Variants in FARP1 observed in about 807,000 individuals in gnomAD.
FARP1 encodes the protein FERM, ARH/RhoGEF and pleckstrin domain protein 1, also known as FERM, ARHGEF and pleckstrin domain-containing protein 1.
Under a neutral mutation model 128.8 loss-of-function variants are expected in FARP1, and 52 were observed. The ratio of observed to expected loss-of-function variants is 0.40; its 90% CI spans 0.32 to 0.51. The LOEUF (loss-of-function observed/expected upper bound fraction) is 0.51. FARP1 is among the 20% of genes least tolerant of loss of function. The probability of loss-of-function intolerance (pLI) is 0.45; values close to 1 mark genes in which losing one functional copy is unlikely to be tolerated. For missense variants in FARP1, 1,333 were observed against 1,367.9 expected (o/e 0.97, Z 0.40); for synonymous variants, 580 against 551.8 (o/e 1.05, Z -0.72).
intron 2 of FARP1, among the ~76,000 whole-genome samples, chr13:98,331,486 G>GT: frequency 6.6e-6 from 1 of 152,270 alleles, no homozygotes; most frequent in South Asian, 2.1e-4. Flanking sequence ...ATGAGGGGAA[G>GT]TTTAAGTTTT....
chr13:98,210,130 A>G (rs1034099777), intron 1 of FARP1, among the ~76,000 whole-genome samples: 7 of 152,116 alleles, frequency 4.6e-5, no homozygotes, highest in Non-Finnish European at 8.8e-5. Flanking sequence ...GTGGCTGGAA[A>G]GAAATGAAGG....
At chr13:98,146,439 G>T (rs138699149) in intron 1 of FARP1, among the ~76,000 whole-genome samples, 19 of 152,306 alleles carry the variant, frequency 1.2e-4, no homozygotes, top group African/African-American at 4.6e-4. Context: ...TGTTGGTCAG[G>T]CTGGTCTTGA....
intron 2 of FARP1, among the ~76,000 whole-genome samples, chr13:98,251,691 A>C (rs975899000): frequency 6.6e-6 from 1 of 151,978 alleles, no homozygotes; most frequent in East Asian, 1.9e-4. Context: ...TCAAAAAAAA[A>C]AAAAAGAAAA....
intron 3 of FARP1, among the ~76,000 whole-genome samples, chr13:98,357,154 C>T (rs1888677243): frequency 6.6e-6 from 1 of 152,018 alleles, no homozygotes; most frequent in Non-Finnish European, 1.5e-5. Flanking sequence ...ACAATCCTTG[C>T]CTTTTAATGG....
At chr13:98,332,166 T>C (rs2622339) in intron 2 of FARP1, among the ~76,000 whole-genome samples, 71,625 of 151,694 alleles carry the variant, frequency 0.47, 17,160 homozygotes, top group African/African-American at 0.53. Context: ...GCCATCCCCA[T>C]GTCTCCAGAA....
chr13:98,183,656 T>A (rs1281145134), intron 1 of FARP1, among the ~76,000 whole-genome samples: 3 of 152,182 alleles, frequency 2.0e-5, no homozygotes, highest in African/African-American at 7.2e-5. Context: ...CCTTTGCCTG[T>A]GTTCTTATTC....
chr13:98,224,906 G>A (rs562857038), intron 2 of FARP1, among the ~76,000 whole-genome samples: 7 of 152,232 alleles, frequency 4.6e-5, no homozygotes, highest in Non-Finnish European at 1.0e-4. Context: ...CTCTGGCCAC[G>A]GGATCCTTTT....
At chr13:98,275,336 GGA>G (rs58331449) in intron 2 of FARP1, among the ~76,000 whole-genome samples, 26,950 of 143,454 alleles carry the variant, frequency 0.19, 2,717 homozygotes, top group Non-Finnish European at 0.23. Context: ...ATGTGGGTAA[GGA>G]GAGAGAGAGA....
intron 24 of FARP1, 31 bp downstream of exon 24, chr13:98,440,867 A>G: frequency 6.4e-6 from 10 of 1,562,088 alleles, no homozygotes; most frequent in South Asian, 1.2e-5. Flanking sequence ...TCTGGTTCCC[A>G]GCTTGTGCTG....
intron 2 of FARP1, among the ~76,000 whole-genome samples, chr13:98,305,349 C>T (rs1259426442): frequency 1.1e-4 from 17 of 150,130 alleles, no homozygotes; most frequent in African/African-American, 3.7e-4. Flanking sequence ...TTTTTTGAGA[C>T]GGAGTTTCGC....
intron 1 of FARP1, among the ~76,000 whole-genome samples, chr13:98,189,700 G>A (rs1203494398): frequency 1.3e-5 from 2 of 152,142 alleles, no homozygotes; most frequent in Non-Finnish European, 2.9e-5. Flanking sequence ...GTCAGGCATC[G>A]TTGAATTTTC....
intron 2 of FARP1, among the ~76,000 whole-genome samples, chr13:98,331,449 C>T (rs1050222094): frequency 2.0e-5 from 3 of 152,132 alleles, no homozygotes; most frequent in African/African-American, 7.2e-5. Flanking sequence ...TCTCATTCCC[C>T]AGCTGCTCAT....
chr13:98,225,541 C>T (rs917313094), intron 2 of FARP1, among the ~76,000 whole-genome samples: 1 of 152,214 alleles, frequency 6.6e-6, no homozygotes, highest in Admixed American at 6.5e-5. Flanking sequence ...CCCTTCCTTT[C>T]CATTTTAAGG....
intron 16 of FARP1, among the ~76,000 whole-genome samples, chr13:98,417,332 A>T (rs1458695013): frequency 6.6e-6 from 1 of 152,040 alleles, no homozygotes; most frequent in Non-Finnish European, 1.5e-5. Flanking sequence ...AGAGAACATT[A>T]AGAGGAAAAG....
At chr13:98,394,780 T>A (rs931780815) in intron 12 of FARP1, among the ~76,000 whole-genome samples, 63 of 152,048 alleles carry the variant, frequency 4.1e-4, no homozygotes, top group Admixed American at 2.0e-3. Context: ...ACAAAAAAAA[T>A]TTTTTTAATT....
chr13:98,166,759 G>A (rs1271051352), intron 1 of FARP1, among the ~76,000 whole-genome samples: 5 of 141,090 alleles, frequency 3.5e-5, no homozygotes, highest in African/African-American at 5.4e-5. Context: ...GTCTCGTTCT[G>A]TCACTGTGGC....
intron 2 of FARP1, among the ~76,000 whole-genome samples, chr13:98,266,733 C>T (rs183422422): frequency 9.9e-5 from 15 of 152,160 alleles, no homozygotes; most frequent in East Asian, 7.7e-4. Flanking sequence ...GGCATGAGGC[C>T]GGGCGTGGTG....
chr13:98,174,756 G>A (rs1566698160), intron 1 of FARP1, among the ~76,000 whole-genome samples: 2 of 152,234 alleles, frequency 1.3e-5, no homozygotes, highest in South Asian at 2.1e-4. Flanking sequence ...AGCACATACT[G>A]TATGTCAGGC....
At chr13:98,436,426 T>C (rs1403046984) in intron 19 of FARP1, among the ~76,000 whole-genome samples, 1 of 152,204 alleles carries the variant, frequency 6.6e-6, no homozygotes, top group African/African-American at 2.4e-5. Flanking sequence ...ATCAAATCTC[T>C]CTCTGGGATC....
Sources: allele counts gnomAD v4.1 joint callset (sites outside exome capture counted in the v4.1 genomes callset), GRCh38; gene constraint gnomAD v4.1.1; transcripts MANE v1.5; gene names NCBI Gene and HGNC (gene_info 2026-07-23, HGNC 2026-07-21).